The following WDR72 variants were observed in gnomAD, a reference collection of about 807,000 sequenced individuals.
WDR72 encodes WD repeat-containing protein 72.
WDR72 carries 120 observed loss-of-function variants against 124.2 expected under a neutral mutation model. That is an observed-to-expected ratio of 0.97 (90% CI 0.83 to 1.12). WDR72 has a LOEUF of 1.12. Among genes scored for constraint, WDR72 ranks in the 50% most tolerant of loss-of-function variants. The pLI, the probability that WDR72 is intolerant of heterozygous loss-of-function variation, is 0.00. For synonymous variants in WDR72, 452 were observed against 441.7 expected, an observed-to-expected ratio of 1.02 and a Z score of -0.29; for missense variants, 1,387 against 1,278.8, an observed-to-expected ratio of 1.08 and a Z score of -1.29.
chr15:53,682,776 G>T (rs543173868), intron 13 of WDR72, among the ~76,000 whole-genome samples: 37 of 152,118 alleles, frequency 2.4e-4, no homozygotes, highest in African/African-American at 8.2e-4. Context: ...TCCAACCTCC[G>T]CTTGTTATTC....
intron 13 of WDR72, among the ~76,000 whole-genome samples, chr15:53,685,398 G>A: frequency 7.7e-6 from 1 of 129,792 alleles, no homozygotes; most frequent in Admixed American, 8.1e-5. Flanking sequence ...CAAGGCTCGA[G>A]AACTACGTGA....
chr15:53,578,545 T>C (rs1173436055), intron 18 of WDR72, among the ~76,000 whole-genome samples: 1 of 152,064 alleles, frequency 6.6e-6, no homozygotes, highest in Non-Finnish European at 1.5e-5. Flanking sequence ...TGGGCAGTAA[T>C]CGGTCCTTTG....
At chr15:53,692,688 C>T (rs923169473) in intron 13 of WDR72, among the ~76,000 whole-genome samples, 1 of 152,136 alleles carries the variant, frequency 6.6e-6, no homozygotes, top group African/African-American at 2.4e-5. Context: ...CATGTGCATA[C>T]ACATGCAAAC....
intron 1 of WDR72, among the ~76,000 whole-genome samples, chr15:53,751,734 T>C (rs969109854): frequency 6.6e-6 from 1 of 152,108 alleles, no homozygotes; most frequent in African/African-American, 2.4e-5. Context: ...ATCAATTATC[T>C]ATTGCACCCA....
chr15:53,745,342 T>C (rs2018618114), intron 1 of WDR72, among the ~76,000 whole-genome samples: 1 of 152,162 alleles, frequency 6.6e-6, no homozygotes, highest in Non-Finnish European at 1.5e-5. Flanking sequence ...AGCAATACCT[T>C]TGAGAGTGTG....
At chr15:53,653,347 G>C (rs960861978) in intron 14 of WDR72, among the ~76,000 whole-genome samples, 1 of 152,074 alleles carries the variant, frequency 6.6e-6, no homozygotes, top group African/African-American at 2.4e-5. Context: ...TGGAGTAGAG[G>C]GTAGAGAAGA....
chr15:53,721,032 C>T (rs1277830882), intron 3 of WDR72, among the ~76,000 whole-genome samples: 1 of 152,050 alleles, frequency 6.6e-6, no homozygotes, highest in East Asian at 1.9e-4. Flanking sequence ...TAATAATTTC[C>T]AGTGAATAAA....
chr15:53,701,992 A>C (rs2017194311), intron 12 of WDR72, 142 bp downstream of exon 12: 1 of 541,690 alleles, frequency 1.8e-6, no homozygotes, highest in Admixed American at 3.5e-5. Context: ...ATATATATGA[A>C]TCATCCAGTT....
At chr15:53,648,209 C>G (rs533539028) in intron 14 of WDR72, among the ~76,000 whole-genome samples, 3 of 152,184 alleles carry the variant, frequency 2.0e-5, no homozygotes, top group African/African-American at 7.2e-5. Context: ...CCAAATTTTA[C>G]GTAGCAGGAA....
At chr15:53,704,836 A>T (rs1232599199) in intron 11 of WDR72, 152 bp downstream of exon 11, 2 of 810,608 alleles carry the variant, frequency 2.5e-6, no homozygotes, top group Non-Finnish European at 3.7e-6. Context: ...AAAAAAACCT[A>T]TATGTATGTT....
chr15:53,663,051 G>C (rs538189257), intron 14 of WDR72, among the ~76,000 whole-genome samples: 1 of 150,928 alleles, frequency 6.6e-6, no homozygotes, highest in East Asian at 2.0e-4. Flanking sequence ...TTGTGCTGGA[G>C]TGCAGTGGCA....
At chr15:53,622,267 A>C (rs1380237295) in intron 14 of WDR72, among the ~76,000 whole-genome samples, 3 of 152,156 alleles carry the variant, frequency 2.0e-5, no homozygotes, top group Non-Finnish European at 4.4e-5. Flanking sequence ...CAGCAATCCC[A>C]TTACTGGGTA....
rs765084349 is a variant in WDR72, at chr15:53,706,019, T to C, written c.1010A>G (p.Tyr337Cys). The change falls in exon 10 of 20, where the codon TAC becomes TGC. Residue 337 changes from tyrosine to cysteine, a missense_variant. Coordinates refer to ENST00000360509, the MANE Select transcript of WDR72 (RefSeq NM_182758.4). ...GACTTCTCCAGAGAAAAGTACCTTG[T>C]AAAAAGGCTCTTTCCTTTCATTCAT... Reference protein sequence around the residue: ...GYMNERKEPFYKVLFSGEVSG... With the variant: ...GYMNERKEPFCKVLFSGEVSG... 1 of 1,614,066 alleles carries C rather than the reference T, an allele frequency of 6.2e-7. No homozygotes were observed. Among genetic ancestry groups the C allele is most frequent in the Non-Finnish European group, 8.5e-7 (1 of 1,179,996 alleles).
chr15:53,673,222 T>C (rs1309235075), intron 13 of WDR72, among the ~76,000 whole-genome samples: 1 of 152,200 alleles, frequency 6.6e-6, no homozygotes, highest in Non-Finnish European at 1.5e-5. Flanking sequence ...AATATCAATG[T>C]ATGAATAGCT....
chr15:53,681,583 C>T (rs962114149), intron 13 of WDR72, among the ~76,000 whole-genome samples: 1 of 151,856 alleles, frequency 6.6e-6, no homozygotes, highest in Non-Finnish European at 1.5e-5. Flanking sequence ...AAAGGAAAAC[C>T]CAGGAAGATA....
chr15:53,689,948 C>T (rs932388366), intron 13 of WDR72, among the ~76,000 whole-genome samples: 2 of 150,840 alleles, frequency 1.3e-5, no homozygotes, highest in African/African-American at 4.9e-5. Flanking sequence ...TCATCATTCT[C>T]AGTAAACTAT....
intron 1 of WDR72, among the ~76,000 whole-genome samples, chr15:53,737,215 A>G (rs1175454100): frequency 2.6e-5 from 4 of 152,180 alleles, no homozygotes; most frequent in Non-Finnish European, 5.9e-5. Flanking sequence ...ACTGGACTAA[A>G]TTGCTGTTAA....
intron 14 of WDR72, among the ~76,000 whole-genome samples, chr15:53,628,665 T>G (rs2140390304): frequency 6.6e-6 from 1 of 152,318 alleles, no homozygotes; most frequent in South Asian, 2.1e-4. Context: ...TCTTTGCTGT[T>G]AAAAATTTCA....
At chr15:53,677,013 T>A (rs1002562199) in intron 13 of WDR72, among the ~76,000 whole-genome samples, 1 of 150,906 alleles carries the variant, frequency 6.6e-6, no homozygotes, top group South Asian at 2.1e-4. Context: ...CTCTGCCTCC[T>A]GGGTCCACGC....
Sources: gnomAD v4.1 joint callset for allele counts (sites outside exome capture counted in the v4.1 genomes callset) on GRCh38, gnomAD v4.1.1 for gene constraint, MANE v1.5 for transcripts, NCBI Gene and HGNC (gene_info 2026-07-23, HGNC 2026-07-21) for gene names.